SHISA6: variants seen among roughly 807,000 people sequenced by gnomAD.
The protein encoded by SHISA6 is shisa family member 6.
In SHISA6, 22 loss-of-function variants were observed where a neutral mutation model predicts 47.9. The observed-to-expected ratio is 0.46, with a 90% CI of 0.33 to 0.66. The LOEUF is 0.66. Ranked by LOEUF, SHISA6 falls within the 30% of genes least tolerant of loss-of-function variation. SHISA6 has a pLI of 0.02. For synonymous variants in SHISA6, 388 were observed against 337.8 expected, an observed-to-expected ratio of 1.15 and a Z score of -1.63; for missense variants, 680 against 764.6, an observed-to-expected ratio of 0.89 and a Z score of 1.30.
intron 3 of SHISA6, among the ~76,000 whole-genome samples, chr17:11,389,435 G>C (rs887090092): frequency 2.0e-5 from 3 of 152,204 alleles, no homozygotes; most frequent in African/African-American, 7.2e-5. Flanking sequence ...CATGGCCCCC[G>C]GTAGGGAGCA....
At chr17:11,249,236 G>A (rs113860263) in intron 1 of SHISA6, among the ~76,000 whole-genome samples, 1,620 of 151,934 alleles carry the variant, frequency 0.011, 30 homozygotes, top group African/African-American at 0.036. Flanking sequence ...CCGGATCAAT[G>A]CAGTTCAGCT....
chr17:11,376,450 G>A (rs1287606175), intron 2 of SHISA6, among the ~76,000 whole-genome samples: 4 of 151,200 alleles, frequency 2.6e-5, no homozygotes, highest in African/African-American at 4.9e-5. Context: ...TCAGCTTCCC[G>A]AGTAGCTGGG....
chr17:11,295,370 G>C (rs1228604988), intron 2 of SHISA6, among the ~76,000 whole-genome samples: 1 of 152,188 alleles, frequency 6.6e-6, no homozygotes, highest in Non-Finnish European at 1.5e-5. Context: ...TGAGGATACA[G>C]CTGTGAATAA....
At chr17:11,378,561 C>CT (rs1265996000) in intron 2 of SHISA6, among the ~76,000 whole-genome samples, 5 of 152,218 alleles carry the variant, frequency 3.3e-5, no homozygotes, top group Non-Finnish European at 7.4e-5. Context: ...GGAGGCCTTT[C>CT]TTTTTTTACA....
intron 3 of SHISA6, among the ~76,000 whole-genome samples, chr17:11,417,627 C>T (rs1914321751): frequency 6.6e-6 from 1 of 152,226 alleles, no homozygotes; most frequent in African/African-American, 2.4e-5. Flanking sequence ...CTCCTGAAAA[C>T]AGCTCTGCTT....
chr17:11,261,735 C>A (rs754833567), intron 1 of SHISA6, among the ~76,000 whole-genome samples: 1 of 152,166 alleles, frequency 6.6e-6, no homozygotes, highest in Non-Finnish European at 1.5e-5. Context: ...GTTGTATCTA[C>A]CCTTTGGCTG....
intron 2 of SHISA6, among the ~76,000 whole-genome samples, chr17:11,310,508 T>C (rs1356122487): frequency 2.6e-5 from 4 of 152,214 alleles, no homozygotes; most frequent in African/African-American, 7.2e-5. Flanking sequence ...CAAGGAGTCC[T>C]GAATGGCTGG....
At chr17:11,316,662 C>T (rs35302734) in intron 2 of SHISA6, among the ~76,000 whole-genome samples, 49,512 of 151,924 alleles carry the variant, frequency 0.33, 9,773 homozygotes, top group Middle Eastern at 0.49. Flanking sequence ...CCTAGTGACT[C>T]GCCCACCTCG....
intron 3 of SHISA6, among the ~76,000 whole-genome samples, chr17:11,428,972 A>AAAAT (rs58973667): frequency 0.07 from 10,620 of 151,640 alleles, 412 homozygotes; most frequent in Admixed American, 0.11. Context: ...TTTTAGTAGA[A>AAAAT]ACGGTGTTTC....
intron 2 of SHISA6, among the ~76,000 whole-genome samples, chr17:11,329,599 G>A (rs1035109790): frequency 6.6e-6 from 1 of 152,076 alleles, no homozygotes; most frequent in Non-Finnish European, 1.5e-5. Flanking sequence ...CTCCACGCGA[G>A]TAAAACATTT....
intron 3 of SHISA6, among the ~76,000 whole-genome samples, chr17:11,520,319 T>C (rs992023397): frequency 6.6e-6 from 1 of 152,208 alleles, no homozygotes; most frequent in Non-Finnish European, 1.5e-5. Context: ...TGAATCTCAG[T>C]AGCATCCCTA....
chr17:11,308,436 G>A (rs79294610), intron 2 of SHISA6, among the ~76,000 whole-genome samples: 2,584 of 152,180 alleles, frequency 0.017, 36 homozygotes, highest in Admixed American at 0.024. Flanking sequence ...CAGGAGCGTG[G>A]TTTTCTCCCT....
At chr17:11,456,873 T>G (rs547167464) in intron 3 of SHISA6, among the ~76,000 whole-genome samples, 2 of 152,202 alleles carry the variant, frequency 1.3e-5, no homozygotes, top group Non-Finnish European at 2.9e-5. Flanking sequence ...AATTCCACTG[T>G]GTACCCTGGC....
intron 3 of SHISA6, among the ~76,000 whole-genome samples, chr17:11,459,935 C>T (rs1915653584): frequency 6.6e-6 from 1 of 152,224 alleles, no homozygotes; most frequent in Non-Finnish European, 1.5e-5. Flanking sequence ...GCTCATCAAA[C>T]CCCAGAACCC....
Position 11,561,229 on chromosome 17 carries a change from C to T in SHISA6, c.*2925C>T, listed in dbSNP as rs1398210206. The stretch of plus-strand genomic sequence containing the variant: ...CATCCACCCTTACAGTAAAAGCCTC[C>T]CTCCTGCTCACAAAGGAAGCCTAAA... On this transcript the variant is annotated 3_prime_UTR_variant, in exon 6 of 6. Coordinates refer to ENST00000441885, the MANE Select transcript of SHISA6 (RefSeq NM_207386.4). 6.6e-6 allele frequency: 1 copy of T among 152,222 alleles called. No homozygotes were observed. Among genetic ancestry groups the T allele is most frequent in the Non-Finnish European group, 1.5e-5 (1 of 68,074 alleles). The allele number at this position is 152,222 out of a possible 1,614,324, so 9.4% of individuals were successfully genotyped here.
chr17:11,388,831 TATATATATA>T (rs1913291021), intron 3 of SHISA6, among the ~76,000 whole-genome samples: 9 of 113,762 alleles, frequency 7.9e-5, no homozygotes, highest in Non-Finnish European at 6.9e-5. Flanking sequence ...TATATATATA[TATATATATA>T]TTTTAAAAAA....
chr17:11,345,928 T>G (rs2142216514), intron 2 of SHISA6, among the ~76,000 whole-genome samples: 1 of 151,418 alleles, frequency 6.6e-6, no homozygotes, highest in African/African-American at 2.4e-5. Flanking sequence ...TCTCTCTTTC[T>G]TTCCAATTTG....
chr17:11,354,976 T>C (rs1912034895), intron 2 of SHISA6, among the ~76,000 whole-genome samples: 2 of 152,230 alleles, frequency 1.3e-5, no homozygotes, highest in Admixed American at 6.5e-5. Context: ...TGAAAATATA[T>C]GTACCTCTAC....
chr17:11,506,617 TG>T (rs1207096116), intron 3 of SHISA6, among the ~76,000 whole-genome samples: 4 of 152,178 alleles, frequency 2.6e-5, no homozygotes, highest in African/African-American at 9.7e-5. Flanking sequence ...ACTAGTCCCC[TG>T]GGACCATTTT....
Sources: gnomAD v4.1 joint callset for allele counts (sites outside exome capture counted in the v4.1 genomes callset) on GRCh38, gnomAD v4.1.1 for gene constraint, MANE v1.5 for transcripts, NCBI Gene and HGNC (gene_info 2026-07-23, HGNC 2026-07-21) for gene names.